The following RPH3A variants were observed in gnomAD, a reference collection of about 807,000 sequenced individuals.
The protein encoded by RPH3A is rabphilin-3A.
In RPH3A, 48 loss-of-function variants were observed where a neutral mutation model predicts 102.2. The observed-to-expected ratio is 0.47, with a 90% CI of 0.37 to 0.60. The LOEUF is 0.60. RPH3A is among the 20% of genes least tolerant of loss of function. RPH3A has a pLI of 0.00. For synonymous variants in RPH3A, 310 were observed against 324.3 expected, an observed-to-expected ratio of 0.96 and a Z score of 0.47; for missense variants, 781 against 910.1, an observed-to-expected ratio of 0.86 and a Z score of 1.83.
At chr12:112,886,152 G>A (rs1414811161) in intron 16 of RPH3A, among the ~76,000 whole-genome samples, 1 of 152,140 alleles carries the variant, frequency 6.6e-6, no homozygotes, top group East Asian at 1.9e-4. Context: ...CAAGGAGTGC[G>A]GTACTTTTAC....
chr12:112,753,893 T>G (rs933432475), intron 1 of RPH3A, among the ~76,000 whole-genome samples: 1 of 152,194 alleles, frequency 6.6e-6, no homozygotes, highest in Admixed American at 6.5e-5. Flanking sequence ...AAGATTATCA[T>G]GGATTACAAT....
At chr12:112,831,722 T>C (rs1173691618) in intron 3 of RPH3A, 2 of 454,268 alleles carry the variant, frequency 4.4e-6, no homozygotes, top group Non-Finnish European at 8.8e-6. Flanking sequence ...CTTAAAACAT[T>C]GATTTATCCC....
chr12:112,769,238 C>T (rs1424068099), intron 1 of RPH3A, among the ~76,000 whole-genome samples: 1 of 152,236 alleles, frequency 6.6e-6, no homozygotes, highest in Non-Finnish European at 1.5e-5. Context: ...TAACTTGACG[C>T]CTCTTTGAGG....
chr12:112,679,862 T>G (rs1457986730), intron 1 of RPH3A, among the ~76,000 whole-genome samples: 1 of 152,174 alleles, frequency 6.6e-6, no homozygotes, highest in Non-Finnish European at 1.5e-5. Flanking sequence ...AACAAACAAG[T>G]AAGCAATGAT....
chr12:112,753,654 T>C (rs2040801030), intron 1 of RPH3A, among the ~76,000 whole-genome samples: 1 of 152,200 alleles, frequency 6.6e-6, no homozygotes, highest in African/African-American at 2.4e-5. Context: ...GGCCCTAAGA[T>C]TGACGATTTC....
intron 1 of RPH3A, among the ~76,000 whole-genome samples, chr12:112,621,043 A>C (rs928056161): frequency 6.9e-6 from 1 of 144,164 alleles, no homozygotes; most frequent in Non-Finnish European, 1.5e-5. Context: ...GGGTCTTGCT[A>C]TGTTACCTAG....
intron 1 of RPH3A, among the ~76,000 whole-genome samples, chr12:112,685,778 CTCTT>C (rs2040259163): frequency 6.6e-6 from 1 of 152,326 alleles, no homozygotes; most frequent in Admixed American, 6.5e-5. Context: ...TCTTGCACCT[CTCTT>C]TCTTTCATGC....
chr12:112,594,112 C>T (rs1231526779), intron 1 of RPH3A, among the ~76,000 whole-genome samples: 2 of 152,132 alleles, frequency 1.3e-5, no homozygotes, highest in Admixed American at 1.3e-4. Context: ...TTCGGTACTG[C>T]CTCTAATCAG....
chr12:112,592,658 G>A (rs1327345866), intron 1 of RPH3A, among the ~76,000 whole-genome samples: 2 of 152,126 alleles, frequency 1.3e-5, no homozygotes, highest in African/African-American at 4.8e-5. Flanking sequence ...TCGATCTGTG[G>A]TTGGTTGAAT....
chr12:112,584,146 A>C (rs550827425), intron 1 of RPH3A, among the ~76,000 whole-genome samples: 7 of 152,336 alleles, frequency 4.6e-5, no homozygotes, highest in African/African-American at 1.4e-4. Context: ...GGAAGTCTGC[A>C]GTATCACAAA....
Position 112,890,858 on chromosome 12 carries a change from C to G in RPH3A, c.1630C>G (p.Arg544Gly), listed in dbSNP as rs200351371. The G allele has an allele frequency of 1.2e-6, 2 of 1,613,520 alleles. No homozygotes were observed. The highest frequency in any genetic ancestry group is 2.2e-5 in the South Asian group (2 of 90,908). The change falls in exon 19 of 22, where the codon CGT becomes GGT. Residue 544 changes from arginine (R) to glycine (G), a missense_variant. This residue lies in a region of RPH3A where 730 missense variants were observed against 810.0 expected (regional missense o/e 0.90). Transcript: ENST00000389385. ...TTTTCCCCCAATGCAGCAGGTGGAG[C>G]GTGTTGGTGACATCGAGGAGCGTGG... The part of the protein sequence containing the change: ...MALYEEEQVE[R>G]VGDIEERGKI...
At chr12:112,796,598 AG>A (rs1255423657) in intron 2 of RPH3A, among the ~76,000 whole-genome samples, 5 of 152,234 alleles carry the variant, frequency 3.3e-5, no homozygotes, top group African/African-American at 9.6e-5. Flanking sequence ...CGTTGGTGAA[AG>A]GTTTGAAAGG....
chr12:112,591,383 C>T (rs1193506575), intron 1 of RPH3A, among the ~76,000 whole-genome samples: 6 of 152,352 alleles, frequency 3.9e-5, no homozygotes, highest in African/African-American at 1.2e-4. Flanking sequence ...AGCCACTGCA[C>T]TGGCCCTGCA....
At chr12:112,642,693 TA>T (rs1276646318) in intron 1 of RPH3A, among the ~76,000 whole-genome samples, 3 of 152,256 alleles carry the variant, frequency 2.0e-5, no homozygotes, top group African/African-American at 7.2e-5. Context: ...AATTTGTCTG[TA>T]AATGTTGTTA....
Position 112,750,404 on chromosome 12 carries a change from G to A in RPH3A, c.-139-41739G>A, listed in dbSNP as rs144925632. 4.5e-4 allele frequency among the ~76,000 whole-genome samples: 68 copies of A among 152,228 alleles called. 1 individual carries two copies. In the East Asian group the frequency reaches 0.011, roughly 24 times the overall value. On this transcript the variant is annotated intron_variant, in intron 1 of 21. Transcript: ENST00000543106. The stretch of plus-strand genomic sequence containing the variant: ...ACCCAGTTACTACTGAGGACAACTG[G>A]AGCTTAATCCCACTGGGCAAACCTG...
intron 1 of RPH3A, among the ~76,000 whole-genome samples, chr12:112,655,055 G>A (rs897709890): frequency 1.3e-5 from 2 of 152,180 alleles, no homozygotes; most frequent in African/African-American, 4.8e-5. Context: ...GGTGGTGTGT[G>A]CTGATTGATA....
chr12:112,824,407 T>G (rs1356910720), intron 2 of RPH3A, among the ~76,000 whole-genome samples: 1 of 152,146 alleles, frequency 6.6e-6, no homozygotes, highest in Non-Finnish European at 1.5e-5. Flanking sequence ...CTAACACTCC[T>G]AGAGGCTGGG....
chr12:112,727,915 T>C (rs1161410852), intron 1 of RPH3A, among the ~76,000 whole-genome samples: 1 of 152,190 alleles, frequency 6.6e-6, no homozygotes, highest in Non-Finnish European at 1.5e-5. Context: ...TGACGATTTC[T>C]TCCCCTACAA....
chr12:112,873,477 A>G (rs1436394636), intron 10 of RPH3A, among the ~76,000 whole-genome samples: 1 of 152,200 alleles, frequency 6.6e-6, no homozygotes, highest in East Asian at 1.9e-4. Context: ...CTGGAATCTC[A>G]GAGTCCTCCC....
Sources: allele counts gnomAD v4.1 joint callset (sites outside exome capture counted in the v4.1 genomes callset), GRCh38; gene constraint gnomAD v4.1.1; regional missense constraint gnomAD v4.1.1; transcripts MANE v1.5; gene names NCBI Gene and HGNC (gene_info 2026-07-23, HGNC 2026-07-21).